Variants in NFIB observed in about 807,000 individuals in gnomAD.
NFIB encodes the protein nuclear factor I B.
NFIB carries 11 observed loss-of-function variants against 61.5 expected under a neutral mutation model. That is an observed-to-expected ratio of 0.18 (90% confidence interval 0.11 to 0.30). The LOEUF is 0.30. Ranked by LOEUF, NFIB falls within the 10% of genes least tolerant of loss-of-function variation. The probability of loss-of-function intolerance (pLI) is 1.00; values close to 1 mark genes in which losing one functional copy is unlikely to be tolerated. For synonymous variants in NFIB, 260 were observed against 216.5 expected, an observed-to-expected ratio of 1.20 and a Z score of -1.76; for missense variants, 471 against 608.9, an observed-to-expected ratio of 0.77 and a Z score of 2.38.
chr9:14,186,311 T>C (rs1222056409), intron 2 of NFIB, among the ~76,000 whole-genome samples: 1 of 152,148 alleles, frequency 6.6e-6, no homozygotes, highest in Non-Finnish European at 1.5e-5. Context: ...AAGGGCCCTT[T>C]TGTCATAGTT....
At chr9:14,314,921 G>T (rs1315743800), upstream of NFIB, among the ~76,000 whole-genome samples, 1 of 151,776 alleles carries the variant, frequency 6.6e-6, no homozygotes, top group Non-Finnish European at 1.5e-5. Context: ...TAAGCCGCGG[G>T]AACATCCGAG....
the NFIB span, among the ~76,000 whole-genome samples, chr9:14,514,327 TAC>T: frequency 5.4e-5 from 8 of 147,972 alleles, no homozygotes; most frequent in South Asian, 2.2e-4. Flanking sequence ...CATACATACA[TAC>T]ACACACACAC....
At chr9:14,113,493 G>T (rs1044726515) in intron 9 of NFIB, among the ~76,000 whole-genome samples, 1 of 152,142 alleles carries the variant, frequency 6.6e-6, no homozygotes, top group Non-Finnish European at 1.5e-5. Flanking sequence ...CTGAAAGTCC[G>T]CCAGGAAAAA....
the NFIB span, among the ~76,000 whole-genome samples, chr9:14,441,532 T>C: frequency 1.3e-5 from 2 of 152,224 alleles, no homozygotes; most frequent in Admixed American, 6.5e-5. Flanking sequence ...CTTTATGTTC[T>C]GACCTTTTAA....
At chr9:14,375,582 C>T (rs143397030) in intron 1 of NFIB, among the ~76,000 whole-genome samples, 59 of 152,012 alleles carry the variant, frequency 3.9e-4, no homozygotes, top group Admixed American at 6.6e-4. Context: ...CGCTTGAAAC[C>T]GGAAGGTGGA....
chr9:14,138,750 G>A (rs1484921658), intron 6 of NFIB, among the ~76,000 whole-genome samples: 2 of 152,026 alleles, frequency 1.3e-5, no homozygotes, highest in African/African-American at 4.8e-5. Flanking sequence ...TATTCTCCAG[G>A]CCAAAAGACT....
the NFIB span, among the ~76,000 whole-genome samples, chr9:14,474,735 C>T: frequency 1.3e-5 from 2 of 152,078 alleles, no homozygotes; most frequent in Non-Finnish European, 2.9e-5. Context: ...CATTCCCATT[C>T]CAAAAGGGAG....
chr9:14,424,004 T>A, the NFIB span, among the ~76,000 whole-genome samples: 1 of 151,974 alleles, frequency 6.6e-6, no homozygotes, highest in East Asian at 1.9e-4. Flanking sequence ...TCCTTTTATC[T>A]CTCGCTTTTT....
chr9:14,421,421 T>C, the NFIB span, among the ~76,000 whole-genome samples: 3 of 152,218 alleles, frequency 2.0e-5, no homozygotes, highest in Non-Finnish European at 4.4e-5. Flanking sequence ...GTGTATATGT[T>C]CTTTCATAAG....
At position 14,232,312 on chromosome 9, in the gene NFIB, T is replaced by C. The variant is rs78655206; in HGVS notation, c.563-52532A>G. Among the ~76,000 whole-genome samples, 1,177 of 152,234 alleles carry C rather than the reference T, an allele frequency of 7.7e-3. 17 individuals carry two copies. The highest frequency in any genetic ancestry group is 0.027 in the African/African-American group (1,131 of 41,522). On this transcript the variant is annotated intron_variant, in intron 2 of 10. Coordinates refer to ENST00000380953, the MANE Select transcript of NFIB (RefSeq NM_001190737.2). ...ACCCCGTAAAGCATCTGCTTAGGGA[T>C]TACGACCCCGTCACACTGGGAATGT...
chr9:14,353,224 A>T lies in NFIB; in HGVS notation c.108+45300T>A, dbSNP rs532725502. On this transcript the variant is annotated intron_variant, in intron 1 of 8. Transcript: ENST00000380934. ...GTGAGGGATAGGTCCAGGCCGCGTG[A>T]GCTTCCCAGACATGTTATTTAATTT... is the stretch of plus-strand genomic sequence containing the variant. 7.0e-4 allele frequency among the ~76,000 whole-genome samples: 106 copies of T among 152,138 alleles called. 2 individuals carry two copies. The highest frequency in any genetic ancestry group is 7.5e-4 in the Non-Finnish European group (51 of 68,042).
At chr9:14,314,163 C>T, upstream of NFIB, 1 of 229,036 alleles carries the variant, frequency 4.4e-6, no homozygotes, top group Non-Finnish European at 5.3e-6. Context: ...GGGGCGCGCG[C>T]GGGAGAGGGC....
intron 1 of NFIB, among the ~76,000 whole-genome samples, chr9:14,359,535 C>G (rs1250064753): frequency 6.6e-6 from 1 of 152,192 alleles, no homozygotes; most frequent in Admixed American, 6.5e-5. Context: ...CATGACCCTG[C>G]TGACACCTTG....
At chr9:14,281,513 T>C (rs1486470081) in intron 2 of NFIB, among the ~76,000 whole-genome samples, 1 of 152,180 alleles carries the variant, frequency 6.6e-6, no homozygotes, top group Non-Finnish European at 1.5e-5. Context: ...TACCCTATAA[T>C]TCCTACTGGC....
intron 1 of NFIB, among the ~76,000 whole-genome samples, chr9:14,369,572 C>T (rs1017583546): frequency 6.6e-6 from 1 of 152,084 alleles, no homozygotes. Context: ...CCCACCTCTC[C>T]CTTCCCCACA....
At chr9:14,335,414 C>T (rs2060874593) in intron 1 of NFIB, among the ~76,000 whole-genome samples, 3 of 152,122 alleles carry the variant, frequency 2.0e-5, no homozygotes, top group Non-Finnish European at 2.9e-5. Context: ...CCATTATCAC[C>T]GTAGTATTTG....
chr9:14,126,333 G>A (rs1359117858), intron 6 of NFIB, among the ~76,000 whole-genome samples: 1 of 152,204 alleles, frequency 6.6e-6, no homozygotes, highest in Non-Finnish European at 1.5e-5. Flanking sequence ...AGTAATTCCT[G>A]CTCTAGGGAT....
chr9:14,122,714 T>C (rs942549205), intron 7 of NFIB, among the ~76,000 whole-genome samples: 2 of 152,198 alleles, frequency 1.3e-5, no homozygotes, highest in Non-Finnish European at 2.9e-5. Flanking sequence ...TGGAAAGATA[T>C]ATACATAGTT....
At chr9:14,492,363 A>AAAATAAATAAAT in the NFIB span, among the ~76,000 whole-genome samples, 9,088 of 148,020 alleles carry the variant, frequency 0.061, 385 homozygotes, top group Admixed American at 0.12. Context: ...ACTTTGCCTC[A>AAAATAAATAAAT]AAATAAATAA....
Sources: allele counts gnomAD v4.1 joint callset (sites outside exome capture counted in the v4.1 genomes callset), GRCh38; gene constraint gnomAD v4.1.1; transcripts MANE v1.5; gene names NCBI Gene and HGNC (gene_info 2026-07-23, HGNC 2026-07-21).